Variants in SLIT3 observed in about 807,000 individuals in gnomAD.
SLIT3 encodes slit homolog 3 protein.
In SLIT3, 68 loss-of-function variants were observed where a neutral mutation model predicts 184.0. The ratio of observed to expected loss-of-function variants is 0.37; its 90% CI spans 0.30 to 0.45. The LOEUF is 0.45. SLIT3 is among the 20% of genes least tolerant of loss of function. The pLI, the probability that SLIT3 is intolerant of heterozygous loss-of-function variation, is 1.00. For synonymous variants in SLIT3, 831 were observed against 828.6 expected (o/e 1.00, Z -0.05); for missense variants, 1,707 against 2,026.0 (o/e 0.84, Z 3.02).
chr5:169,069,716 G>A (rs1236662701), intron 4 of SLIT3, among the ~76,000 whole-genome samples: 1 of 152,146 alleles, frequency 6.6e-6, no homozygotes, highest in African/African-American at 2.4e-5. Context: ...ATGAGGAGAG[G>A]AAGTAGGGGA....
intron 20 of SLIT3, among the ~76,000 whole-genome samples, chr5:168,742,671 G>C (rs1763671443): frequency 7.3e-6 from 1 of 136,670 alleles, no homozygotes; most frequent in African/African-American, 2.9e-5. Flanking sequence ...TGAACCACTG[G>C]CATCTGGTCT....
At chr5:169,086,800 G>T (rs1759320107) in intron 4 of SLIT3, among the ~76,000 whole-genome samples, 1 of 152,170 alleles carries the variant, frequency 6.6e-6, no homozygotes, top group South Asian at 2.1e-4. Context: ...TGTGGACAAA[G>T]GTTTAGGCCC....
At chr5:168,793,451 T>G (rs145028230) in intron 10 of SLIT3, among the ~76,000 whole-genome samples, 1 of 152,138 alleles carries the variant, frequency 6.6e-6, no homozygotes, top group Non-Finnish European at 1.5e-5. Flanking sequence ...GTTCCATTAG[T>G]CGAACATTTT....
chr5:169,161,723 G>T (rs534263667), intron 4 of SLIT3, among the ~76,000 whole-genome samples: 1 of 151,892 alleles, frequency 6.6e-6, no homozygotes, highest in African/African-American at 2.4e-5. Flanking sequence ...CTTTTGTAGG[G>T]CCCATTCTTA....
At chr5:169,292,249 A>G (rs1767381736) in intron 1 of SLIT3, among the ~76,000 whole-genome samples, 1 of 152,254 alleles carries the variant, frequency 6.6e-6, no homozygotes, top group African/African-American at 2.4e-5. Flanking sequence ...TTTTACCAGG[A>G]GAGAATAACA....
intron 9 of SLIT3, 23 bp from the exon 10 acceptor site, chr5:168,795,601 G>A (rs373066702): frequency 3.8e-6 from 6 of 1,594,342 alleles, no homozygotes; most frequent in Middle Eastern, 1.7e-4. Flanking sequence ...GCAGAGAAGA[G>A]TGAATTAACC....
At chr5:168,852,610 CTT>C (rs1758719759) in intron 5 of SLIT3, among the ~76,000 whole-genome samples, 1 of 152,230 alleles carries the variant, frequency 6.6e-6, no homozygotes, top group African/African-American at 2.4e-5. Flanking sequence ...CTCGAGAGAT[CTT>C]TGTTTCCCTT....
At chr5:168,957,026 C>T (rs143083228) in intron 4 of SLIT3, among the ~76,000 whole-genome samples, 3,026 of 150,376 alleles carry the variant, frequency 0.02, 112 homozygotes, top group African/African-American at 0.069. Flanking sequence ...GTCAGGAGTT[C>T]GAGAGCAGCC....
chr5:168,704,607 T>C (rs972525235), intron 26 of SLIT3, among the ~76,000 whole-genome samples: 2 of 152,246 alleles, frequency 1.3e-5, no homozygotes, highest in Non-Finnish European at 2.9e-5. Flanking sequence ...ATAATAAAAC[T>C]TATTTCACAA....
At chr5:168,776,739 G>C (rs1226795113) in intron 12 of SLIT3, among the ~76,000 whole-genome samples, 1 of 152,186 alleles carries the variant, frequency 6.6e-6, no homozygotes, top group Admixed American at 6.5e-5. Context: ...TGAAGGAAAT[G>C]TGATAGAGCA....
chr5:169,106,698 C>T (rs1760222523), intron 4 of SLIT3, among the ~76,000 whole-genome samples: 1 of 152,186 alleles, frequency 6.6e-6, no homozygotes, highest in Non-Finnish European at 1.5e-5. Context: ...CATGCAAAGG[C>T]ATCCCATCTT....
intron 11 of SLIT3, among the ~76,000 whole-genome samples, chr5:168,788,292 G>A (rs1051091577): frequency 1.8e-4 from 27 of 152,082 alleles, no homozygotes; most frequent in African/African-American, 5.6e-4. Context: ...TGTTCTATTC[G>A]ATAAATGAAA....
intron 4 of SLIT3, among the ~76,000 whole-genome samples, chr5:168,892,256 C>T (rs1760492751): frequency 6.6e-6 from 1 of 152,154 alleles, no homozygotes; most frequent in Non-Finnish European, 1.5e-5. Flanking sequence ...TAATGAGATG[C>T]TTTGCATTCC....
At chr5:168,689,146 G>A (rs901948652) in intron 29 of SLIT3, among the ~76,000 whole-genome samples, 2 of 152,146 alleles carry the variant, frequency 1.3e-5, no homozygotes, top group Admixed American at 6.5e-5. Context: ...CTGATTCAGG[G>A]AGTCTGGGTG....
chr5:168,941,752 C>G (rs980712691), intron 4 of SLIT3, among the ~76,000 whole-genome samples: 1 of 152,088 alleles, frequency 6.6e-6, no homozygotes, highest in Admixed American at 6.5e-5. Flanking sequence ...GGTTAAGCAC[C>G]AGGTCTATTT....
At chr5:168,724,581 G>A in intron 20 of SLIT3, 97 bp from the exon 21 acceptor site, 1 of 907,274 alleles carries the variant, frequency 1.1e-6, no homozygotes, top group Non-Finnish European at 1.7e-6. Context: ...GCTGGATTAG[G>A]TCCCTCTTTT....
intron 20 of SLIT3, among the ~76,000 whole-genome samples, chr5:168,732,534 C>T (rs1280218965): frequency 6.6e-6 from 1 of 152,064 alleles, no homozygotes; most frequent in Non-Finnish European, 1.5e-5. Flanking sequence ...GCAAAAAGAA[C>T]AAAGCTGGAG....
Position 169,300,190 on chromosome 5 carries a change from G to A in SLIT3, c.197+323C>T, listed in dbSNP as rs1004872785. On this transcript the variant is annotated intron_variant, in intron 1 of 35. Coordinates refer to ENST00000519560, the MANE Select transcript of SLIT3 (RefSeq NM_003062.4). The surrounding 1 kb of genome is among the most constrained non-coding windows in gnomAD (Gnocchi z 4.1). ...CGCAGACCCCTGACCCTCACCCTAA[G>A]ACCTTGAGGCTGCAGTGCTCTTGCC... 1.3e-5 allele frequency among the ~76,000 whole-genome samples: 2 copies of A among 152,160 alleles called. No homozygotes were observed. The highest frequency in any genetic ancestry group is 4.8e-5 in the African/African-American group (2 of 41,442).
chr5:168,703,811 G>A (rs2113293697), intron 26 of SLIT3, among the ~76,000 whole-genome samples: 1 of 151,994 alleles, frequency 6.6e-6, no homozygotes, highest in South Asian at 2.1e-4. Context: ...AATTAGCTGG[G>A]CGTGGTGGTG....
Sources: allele counts gnomAD v4.1 joint callset (sites outside exome capture counted in the v4.1 genomes callset), GRCh38; gene constraint gnomAD v4.1.1; non-coding constraint Gnocchi (gnomAD v3.1); transcripts MANE v1.5; gene names NCBI Gene and HGNC (gene_info 2026-07-23, HGNC 2026-07-21).